The following SCGB2B2 variants were observed in gnomAD, a reference collection of about 807,000 sequenced individuals.
SCGB2B2 encodes secretoglobin family 2B member 2, also known as secretoglobin-like protein.
SCGB2B2 carries 11 observed loss-of-function variants against 7.6 expected under a neutral mutation model. The ratio of observed to expected loss-of-function variants is 1.45; its 90% CI spans 0.91 to 2.40. The LOEUF (loss-of-function observed/expected upper bound fraction) is 2.40. SCGB2B2 is among the 30% of genes most tolerant of loss of function. SCGB2B2 has a pLI of 0.00. For missense variants in SCGB2B2, 104 were observed against 115.4 expected (o/e 0.90, Z 0.45); for synonymous variants, 50 against 48.6 (o/e 1.03, Z -0.12).
intron 1 of SCGB2B2, among the ~76,000 whole-genome samples, chr19:34,605,851 C>T (rs2065761395): frequency 1.3e-5 from 2 of 152,224 alleles, no homozygotes; most frequent in Admixed American, 6.5e-5. Context: ...ACCTCAGCCT[C>T]CGAAACTGCT....
At chr19:34,587,821 T>C (rs144880639), downstream of SCGB2B2, among the ~76,000 whole-genome samples, 554 of 152,346 alleles carry the variant, frequency 3.6e-3, no homozygotes, top group African/African-American at 0.012. Flanking sequence ...GTTGATGTGA[T>C]GTGTCTTATT....
chr19:34,653,217 T>G lies in SCGB2B2; in HGVS notation c.-2032+22413A>C, dbSNP rs985468122. ...TGAGGCAGGAAGTAGTTGGGGGAGG[T>G]GGGACTATAGCCAAAAGTTGATGGA... is the stretch of plus-strand genomic sequence containing the variant. On this transcript the variant is annotated intron_variant, in intron 1 of 3. Coordinates refer to ENST00000601241, the MANE Select transcript of SCGB2B2 (RefSeq NM_001025591.4). Among the ~76,000 whole-genome samples, 21 of 150,872 alleles carry G rather than the reference T, an allele frequency of 1.4e-4. 1 individual carries two copies. Among genetic ancestry groups the G allele is most frequent in the Middle Eastern group, 3.4e-3 (1 of 292 alleles).
rs776501856 is a variant in SCGB2B2, at chr19:34,594,590, ACAGG to A, written c.-31_-28del. ...ACAGCGGAGTCTGGTCCCAGCAGGC[ACAGG>A]CAGGGAATTTGGCGATGGGTGAGCT... is the stretch of plus-strand genomic sequence containing the variant. On this transcript the variant is annotated 5_prime_UTR_variant, in exon 2 of 4. Transcript: ENST00000601241. 6.2e-7 allele frequency: 1 copy of A among 1,608,206 alleles called. No individual in the cohort carries two copies. Among genetic ancestry groups the A allele is most frequent in the Non-Finnish European group, 8.5e-7 (1 of 1,176,340 alleles).
At chr19:34,648,221 C>T (rs2146057526) in intron 1 of SCGB2B2, among the ~76,000 whole-genome samples, 1 of 152,210 alleles carries the variant, frequency 6.6e-6, no homozygotes, top group Non-Finnish European at 1.5e-5. Context: ...GAGACTCAGG[C>T]CTGGAGACAA....
intron 1 of SCGB2B2, among the ~76,000 whole-genome samples, chr19:34,606,813 T>C (rs937887190): frequency 7.7e-6 from 1 of 129,336 alleles, no homozygotes; most frequent in African/African-American, 2.6e-5. Context: ...TATGGATGCA[T>C]TGTAAAAAAA....
At chr19:34,602,660 G>T (rs971078322) in intron 1 of SCGB2B2, among the ~76,000 whole-genome samples, 1 of 152,228 alleles carries the variant, frequency 6.6e-6, no homozygotes, top group African/African-American at 2.4e-5. Flanking sequence ...CAGGTTGACA[G>T]TAGCTGCACC....
chr19:34,675,058 A>G (rs915126991), intron 1 of SCGB2B2, among the ~76,000 whole-genome samples: 2 of 152,240 alleles, frequency 1.3e-5, no homozygotes, highest in African/African-American at 4.8e-5. Context: ...ATTCAAAAAG[A>G]TTCTCAATCT....
At chr19:34,674,075 CCT>C (rs1168144862) in intron 1 of SCGB2B2, among the ~76,000 whole-genome samples, 1 of 152,100 alleles carries the variant, frequency 6.6e-6, no homozygotes, top group East Asian at 1.9e-4. Flanking sequence ...TAATGTTGGC[CCT>C]CTCTCCACTC....
chr19:34,645,939 C>T (rs549771113), intron 1 of SCGB2B2: 2 of 282,168 alleles, frequency 7.1e-6, no homozygotes, highest in South Asian at 3.7e-5. Context: ...TTTTGCATAC[C>T]CAGAGGACCT....
At position 34,594,661 on chromosome 19, in the gene SCGB2B2, G is replaced by A; in HGVS notation, c.-98C>T. The A allele has an allele frequency of 5.1e-6, 1 of 197,316 alleles. No individual in the cohort carries two copies. 12.2% of individuals were successfully genotyped at this position (197,316 alleles called of 1,614,324 possible). A position where few individuals can be genotyped will look rare whatever the true frequency, so the allele number is the denominator to read the frequency against. On this transcript the variant is annotated 5_prime_UTR_variant, in exon 2 of 4. Coordinates refer to ENST00000601241, the MANE Select transcript of SCGB2B2 (RefSeq NM_001025591.4). ...AAGGCACATGCCTCTTCGTGTGTGT[G>A]TGTGTGTGTGTGTGTGTGTGTGTGT... is the stretch of plus-strand genomic sequence containing the variant.
intron 1 of SCGB2B2, among the ~76,000 whole-genome samples, chr19:34,675,379 C>T (rs771040597): frequency 2.0e-4 from 31 of 152,288 alleles, no homozygotes; most frequent in Admixed American, 6.5e-4. Flanking sequence ...GAATTCACAA[C>T]CACACCCACA....
intron 1 of SCGB2B2, among the ~76,000 whole-genome samples, chr19:34,666,191 C>G (rs2067616025): frequency 6.6e-6 from 1 of 152,062 alleles, no homozygotes; most frequent in Admixed American, 6.6e-5. Flanking sequence ...GTCCCCACAC[C>G]AGGCTTTCTC....
intron 1 of SCGB2B2, among the ~76,000 whole-genome samples, chr19:34,647,126 C>G (rs1187139124): frequency 2.0e-5 from 3 of 152,322 alleles, no homozygotes; most frequent in African/African-American, 7.2e-5. Context: ...CTCAGCTCTG[C>G]TCCTCGGGCT....
chr19:34,663,270 T>C (rs1054381616), intron 1 of SCGB2B2, among the ~76,000 whole-genome samples: 1 of 152,196 alleles, frequency 6.6e-6, no homozygotes, highest in Non-Finnish European at 1.5e-5. Flanking sequence ...ATTCCACACA[T>C]GGGCACAAAC....
chr19:34,667,921 T>C (rs4806036), intron 1 of SCGB2B2, among the ~76,000 whole-genome samples: 73,522 of 150,104 alleles, frequency 0.49, 17,289 homozygotes, highest in African/African-American at 0.57. Context: ...TGCGCCCCTC[T>C]GCTGATTTTG....
At chr19:34,658,162 C>T (rs1415158418) in intron 1 of SCGB2B2, among the ~76,000 whole-genome samples, 1 of 152,102 alleles carries the variant, frequency 6.6e-6, no homozygotes, top group Non-Finnish European at 1.5e-5. Context: ...CTAAAATCGA[C>T]ACCCTAACAT....
At chr19:34,608,137 C>A (rs765085032) in intron 1 of SCGB2B2, among the ~76,000 whole-genome samples, 1 of 151,950 alleles carries the variant, frequency 6.6e-6, no homozygotes, top group African/African-American at 2.4e-5. Context: ...TTTTCCTCAT[C>A]GTGTTTTATA....
At chr19:34,643,292 TTA>T (rs1248335781) in intron 1 of SCGB2B2, among the ~76,000 whole-genome samples, 1 of 152,138 alleles carries the variant, frequency 6.6e-6, no homozygotes, top group Non-Finnish European at 1.5e-5. Context: ...CTGGAGAAAA[TTA>T]TGTTATTTGA....
chr19:34,617,708 A>T (rs1287015257), intron 1 of SCGB2B2, among the ~76,000 whole-genome samples: 4 of 152,204 alleles, frequency 2.6e-5, no homozygotes, highest in African/African-American at 4.8e-5. Flanking sequence ...CCTGGCTAGA[A>T]CTTCCAACAC....
Sources: allele counts gnomAD v4.1 joint callset (sites outside exome capture counted in the v4.1 genomes callset), GRCh38; gene constraint gnomAD v4.1.1; transcripts MANE v1.5; gene names NCBI Gene and HGNC (gene_info 2026-07-23, HGNC 2026-07-21).